The following LIMCH1 variants were observed in gnomAD, a reference collection of about 807,000 sequenced individuals.
LIMCH1 encodes the protein LIM and calponin homology domains-containing protein 1.
In LIMCH1, 113 loss-of-function variants were observed where a neutral mutation model predicts 176.5. The ratio of observed to expected loss-of-function variants is 0.64; its 90% confidence interval spans 0.55 to 0.75. The LOEUF is 0.75. LIMCH1 is among the 30% of genes least tolerant of loss of function. LIMCH1 has a pLI of 0.00. For missense variants in LIMCH1, 1,674 were observed against 1,814.9 expected, an observed-to-expected ratio of 0.92 and a Z score of 1.41; for synonymous variants, 619 against 645.9, an observed-to-expected ratio of 0.96 and a Z score of 0.63.
intron 1 of LIMCH1, among the ~76,000 whole-genome samples, chr4:41,372,138 T>G (rs74782545): frequency 0.019 from 2,833 of 152,262 alleles, 85 homozygotes; most frequent in East Asian, 0.12. Flanking sequence ...TGCATTTTCC[T>G]CTCATCTCCA....
chr4:41,470,339 C>T (rs987017072), intron 1 of LIMCH1, among the ~76,000 whole-genome samples: 5 of 152,204 alleles, frequency 3.3e-5, no homozygotes, highest in African/African-American at 7.2e-5. Context: ...TCTCCCTGCT[C>T]GTGTGTAAGG....
intron 1 of LIMCH1, among the ~76,000 whole-genome samples, chr4:41,545,092 A>G (rs112064591): frequency 0.01 from 1,561 of 152,332 alleles, 26 homozygotes; most frequent in African/African-American, 0.035. Context: ...GTCACTGCCA[A>G]TACAAGGGTA....
At chr4:41,389,445 G>A (rs1193402729) in intron 1 of LIMCH1, 1 of 202,526 alleles carries the variant, frequency 4.9e-6, no homozygotes, top group Non-Finnish European at 1.1e-5. Context: ...GACAAATGTG[G>A]CACTGATCTT....
chr4:41,666,453 T>G, intron 20 of LIMCH1, 108 bp from the exon 21 acceptor site: 1 of 663,208 alleles, frequency 1.5e-6, no homozygotes, highest in East Asian at 2.8e-5. Flanking sequence ...GTTAACTGTT[T>G]GAACTGAATG....
intron 1 of LIMCH1, among the ~76,000 whole-genome samples, chr4:41,566,781 C>G (rs73810268): frequency 2.6e-4 from 39 of 152,144 alleles, no homozygotes; most frequent in African/African-American, 8.2e-4. Flanking sequence ...GTTAATTATA[C>G]CCCATTAAAG....
intron 9 of LIMCH1, among the ~76,000 whole-genome samples, chr4:41,629,980 A>T (rs1329656219): frequency 6.6e-6 from 1 of 150,938 alleles, no homozygotes; most frequent in East Asian, 1.9e-4. Context: ...TAATCTTTTG[A>T]TTTTTTCTAG....
chr4:41,612,826 G>A (rs535781566), intron 4 of LIMCH1: 72 of 1,208,868 alleles, frequency 6.0e-5, no homozygotes, highest in East Asian at 7.7e-5. Context: ...CAGGAAAAGC[G>A]TTTTGCATAT....
chr4:41,636,261 C>A (rs2093584575), intron 13 of LIMCH1, among the ~76,000 whole-genome samples: 1 of 146,848 alleles, frequency 6.8e-6, no homozygotes, highest in East Asian at 2.0e-4. Flanking sequence ...ATGCTTTTGT[C>A]AACTGTGACC....
At chr4:41,683,702 A>C (rs1434132383) in intron 26 of LIMCH1, among the ~76,000 whole-genome samples, 1 of 152,180 alleles carries the variant, frequency 6.6e-6, no homozygotes, top group Non-Finnish European at 1.5e-5. Flanking sequence ...TTAAATTGTA[A>C]GCTACAGGTG....
intron 1 of LIMCH1, among the ~76,000 whole-genome samples, chr4:41,483,083 GA>G (rs1483100857): frequency 6.6e-6 from 1 of 152,132 alleles, no homozygotes; most frequent in East Asian, 1.9e-4. Flanking sequence ...AGGGAAAGAG[GA>G]AACTGCCATG....
At position 41,436,518 on chromosome 4, in the gene LIMCH1, T is replaced by C. The variant is rs188232668; in HGVS notation, c.97-58018T>C. Reference sequence around the variant, plus strand: ...GCTGTGAGAGATTTTTTCCTGACATTGTCATTGTGCTATTTGCAGCACAAG... The same window carrying C: ...GCTGTGAGAGATTTTTTCCTGACATCGTCATTGTGCTATTTGCAGCACAAG... On this transcript the variant is annotated intron_variant, in intron 1 of 26. Transcript: ENST00000313860. 3.9e-4 allele frequency among the ~76,000 whole-genome samples: 60 copies of C among 152,330 alleles called. No individual in the cohort carries two copies. The East Asian group carries it at 0.011, about 27-fold the overall frequency.
intron 18 of LIMCH1, among the ~76,000 whole-genome samples, chr4:41,656,654 G>A (rs1330334068): frequency 1.3e-5 from 2 of 152,136 alleles, no homozygotes; most frequent in Non-Finnish European, 2.9e-5. Context: ...AGAAACCCAT[G>A]CACAGCATAT....
At chr4:41,389,282 G>C (rs2056915149) in intron 1 of LIMCH1, 1 of 152,416 alleles carries the variant, frequency 6.6e-6, no homozygotes, top group Admixed American at 6.5e-5. Context: ...GGAAATGTCT[G>C]AGGATTACAG....
At chr4:41,582,303 C>T (rs1407796376) in intron 1 of LIMCH1, among the ~76,000 whole-genome samples, 1 of 152,182 alleles carries the variant, frequency 6.6e-6, no homozygotes, top group African/African-American at 2.4e-5. Flanking sequence ...TCATGATCCA[C>T]AGGCACACAT....
intron 1 of LIMCH1, among the ~76,000 whole-genome samples, chr4:41,417,601 A>G (rs985549792): frequency 1.3e-4 from 20 of 152,036 alleles, no homozygotes; most frequent in African/African-American, 3.9e-4. Context: ...GCTCACTGCA[A>G]TCTCCACCTC....
chr4:41,648,919 C>T (rs1416843441), intron 17 of LIMCH1, among the ~76,000 whole-genome samples: 4 of 150,372 alleles, frequency 2.7e-5, no homozygotes, highest in East Asian at 2.0e-4. Context: ...GTGTGTCACA[C>T]AATGAAGGCA....
At chr4:41,455,654 A>G (rs2064501143) in intron 1 of LIMCH1, among the ~76,000 whole-genome samples, 1 of 152,206 alleles carries the variant, frequency 6.6e-6, no homozygotes, top group Non-Finnish European at 1.5e-5. Context: ...AAAAAACCCA[A>G]ATAAAACAGC....
rs2063154579 is a variant in LIMCH1 at position 41,445,154 on chromosome 4, C to CA, written c.97-49381dup. 4.6e-5 allele frequency among the ~76,000 whole-genome samples: 7 copies of CA among 151,848 alleles called. No individual in the cohort carries two copies. In the South Asian group the frequency reaches 1.2e-3, roughly 27 times the overall value. On this transcript the variant is annotated intron_variant, in intron 1 of 26. Coordinates refer to the LIMCH1 transcript ENST00000313860. The stretch of plus-strand genomic sequence containing the variant: ...CCGAGTAGCTGGAACTACAGGTGCA[C>CA]ACCGCCACGCCTGGCTAATTTTTAT...
rs926770820 is a variant in LIMCH1 at position 41,464,730 on chromosome 4, G to GT, written c.97-29799dup. 5.3e-5 allele frequency among the ~76,000 whole-genome samples: 8 copies of GT among 152,112 alleles called. No individual in the cohort carries two copies. In the East Asian group the frequency reaches 7.8e-4, roughly 15 times the overall value. On this transcript the variant is annotated intron_variant, in intron 1 of 26. Transcript: ENST00000313860. ...CATTCTAACCTCCCCAGCATTGTCT[G>GT]TTTTTTTCTGTCTGAAATTTAAAAC...
Sources: gnomAD v4.1 joint callset for allele counts (sites outside exome capture counted in the v4.1 genomes callset) on GRCh38, gnomAD v4.1.1 for gene constraint, MANE v1.5 for transcripts, NCBI Gene and HGNC (gene_info 2026-07-23, HGNC 2026-07-21) for gene names.